The following SSU72 variants were observed in gnomAD, a reference collection of about 807,000 sequenced individuals.
The protein encoded by SSU72 is SSU72 homolog, RNA polymerase II CTD phosphatase.
In SSU72, 12 loss-of-function variants were observed where a neutral mutation model predicts 22.7. That is an observed-to-expected ratio of 0.53 (90% CI 0.34 to 0.86). The LOEUF is 0.86. Among genes scored for constraint, SSU72 ranks in the 40% least tolerant of loss-of-function variants. SSU72 has a pLI of 0.02. For missense variants in SSU72, 151 were observed against 249.8 expected (o/e 0.60, Z 2.67); for synonymous variants, 116 against 98.3 (o/e 1.18, Z -1.06).
At position 1,541,967 on chromosome 1, in the gene SSU72, C is replaced by T. The variant is rs1642326324; in HGVS notation, c.*99G>A. ...TGCACAGTTTATTTGGGTAATGCTACCGTCACCAGCAGAACACCTGTAAGT... is the reference window on the plus strand; with the variant it reads ...TGCACAGTTTATTTGGGTAATGCTATCGTCACCAGCAGAACACCTGTAAGT... On this transcript the variant is annotated 3_prime_UTR_variant, in exon 5 of 5. Coordinates refer to ENST00000291386, the MANE Select transcript of SSU72 (RefSeq NM_014188.3). 4 of 1,146,856 alleles carry T rather than the reference C, an allele frequency of 3.5e-6. No individual in the cohort carries two copies. The Admixed American group carries it at 8.4e-5, about 24-fold the overall frequency. The allele number at this position is 1,146,856 out of a possible 1,614,324, so 71.0% of individuals were successfully genotyped here.
intron 2 of SSU72, among the ~76,000 whole-genome samples, chr1:1,551,573 T>A (rs1163242828): frequency 1.3e-5 from 2 of 152,106 alleles, no homozygotes; most frequent in Non-Finnish European, 1.5e-5. Context: ...CCAGAGCCCA[T>A]CCCCACTGGT....
intron 2 of SSU72, chr1:1,562,567 C>T (rs1431660247): frequency 2.0e-5 from 3 of 152,300 alleles, no homozygotes; most frequent in Non-Finnish European, 2.9e-5. Context: ...GGTCACGCAT[C>T]GCCTAAGACT....
In SSU72 at chr1:1,554,042, G is replaced by A. The variant is rs972314610; in HGVS notation, c.225-9040C>T. ...GGTCCGGGGGACGTCAGGTGGCCAC[G>A]GAGACCACGTGTCAGTGGCCAGGGC... On this transcript the variant is annotated intron_variant, in intron 2 of 4. Transcript: ENST00000291386. The surrounding 1 kb of genome is among the most constrained non-coding windows in gnomAD (Gnocchi z 4.1). Among the ~76,000 whole-genome samples, 1 of 152,182 alleles carries A rather than the reference G, an allele frequency of 6.6e-6. No homozygotes were observed. The highest frequency in any genetic ancestry group is 6.5e-5 in the Admixed American group (1 of 15,282).
At chr1:1,568,153 A>G (rs985090016) in intron 1 of SSU72, among the ~76,000 whole-genome samples, 5 of 152,242 alleles carry the variant, frequency 3.3e-5, no homozygotes, top group African/African-American at 1.2e-4. Flanking sequence ...CCGACAGGGC[A>G]GCCAGCTTGC....
intron 2 of SSU72, among the ~76,000 whole-genome samples, chr1:1,548,502 T>TGA (rs1642419605): frequency 6.9e-6 from 1 of 145,834 alleles, no homozygotes; most frequent in South Asian, 2.1e-4. Flanking sequence ...TGCACTGAGC[T>TGA]GAGATCATGC....
At chr1:1,544,752 C>A in intron 3 of SSU72, 111 bp downstream of exon 3, 1 of 1,518,352 alleles carries the variant, frequency 6.6e-7, no homozygotes, top group East Asian at 2.3e-5. Flanking sequence ...GTCTGCTCCC[C>A]GGCCCCCGCC....
chr1:1,548,353 T>C (rs147320830), intron 2 of SSU72, among the ~76,000 whole-genome samples: 7,795 of 152,178 alleles, frequency 0.051, 369 homozygotes, highest in Admixed American at 0.17. Context: ...GGTCAGGAGT[T>C]TGAGACCAGC....
chr1:1,573,193 G>A (rs1207714091), intron 1 of SSU72, among the ~76,000 whole-genome samples: 1 of 150,802 alleles, frequency 6.6e-6, no homozygotes, highest in African/African-American at 2.4e-5. Context: ...GAGGCCGAGC[G>A]GGCAGATCAC....
chr1:1,549,394 G>A (rs1217550706), intron 2 of SSU72, among the ~76,000 whole-genome samples: 6 of 151,758 alleles, frequency 4.0e-5, no homozygotes, highest in African/African-American at 9.7e-5. Context: ...GGTGGCAGGC[G>A]CCTGTAGTCC....
At chr1:1,559,612 T>TC (rs1211987864) in intron 2 of SSU72, among the ~76,000 whole-genome samples, 2 of 152,134 alleles carry the variant, frequency 1.3e-5, no homozygotes, top group African/African-American at 4.8e-5. Context: ...CTGGCTGGAG[T>TC]CCAACAGCAC....
At chr1:1,548,496 C>G (rs1039404982) in intron 2 of SSU72, among the ~76,000 whole-genome samples, 1 of 149,476 alleles carries the variant, frequency 6.7e-6, no homozygotes, top group Admixed American at 6.7e-5. Context: ...GGAGGCTGCA[C>G]TGAGCTGAGA....
intron 2 of SSU72, among the ~76,000 whole-genome samples, chr1:1,551,147 C>T (rs1387485080): frequency 6.6e-6 from 1 of 152,226 alleles, no homozygotes; most frequent in Non-Finnish European, 1.5e-5. Context: ...TGGATCTGGA[C>T]ACACACTGCT....
intron 1 of SSU72, among the ~76,000 whole-genome samples, chr1:1,572,030 C>T (rs1173296646): frequency 1.3e-5 from 2 of 150,920 alleles, no homozygotes; most frequent in Non-Finnish European, 3.0e-5. Flanking sequence ...CTCCTGACCT[C>T]GTGATCCACC....
rs114305501 is a variant in SSU72 at position 1,562,878 on chromosome 1, G to A, written c.224+1895C>T. On this transcript the variant is annotated intron_variant, in intron 2 of 4. Coordinates refer to ENST00000291386, the MANE Select transcript of SSU72 (RefSeq NM_014188.3). Reference sequence around the variant, plus strand: ...GTTACCAGGGCTTCTGCAGAGAGAGGGGCAGCAGGACGTGCTGCTGACAGT... The same window carrying A: ...GTTACCAGGGCTTCTGCAGAGAGAGAGGCAGCAGGACGTGCTGCTGACAGT... The A allele has an allele frequency of 9.2e-3, 1,396 of 152,424 alleles. 11 individuals carry two copies. The highest frequency in any genetic ancestry group is 0.014 in the Non-Finnish European group (928 of 68,080). 9.4% of individuals were successfully genotyped at this position (152,424 alleles called of 1,614,324 possible).
chr1:1,554,715 C>T lies in SSU72; in HGVS notation c.225-9713G>A, dbSNP rs529897793. Among the ~76,000 whole-genome samples the T allele has an allele frequency of 6.6e-5, 10 of 152,164 alleles. No individual in the cohort carries two copies. The South Asian group carries it at 1.0e-3, about 16-fold the overall frequency. ...CGCCAGTGTGGCTGGCACCAGGGAC[C>T]GCACTCTCCCACCACGGCCTGGGAA... On this transcript the variant is annotated intron_variant, in intron 2 of 4. Transcript: ENST00000291386. The surrounding 1 kb of genome is among the most constrained non-coding windows in gnomAD (Gnocchi z 4.1).
chr1:1,574,599 CACCCTACCGCG>C lies in SSU72; in HGVS notation c.-53_-43del. The C allele has an allele frequency of 1.9e-6, 3 of 1,548,052 alleles. No individual in the cohort carries two copies. Among genetic ancestry groups the C allele is most frequent in the South Asian group, 1.2e-5 (1 of 84,646 alleles). Reference sequence around the variant, plus strand: ...CCCGCGGCTCTCCCGCTTGGGTTCCCACCCTACCGCGGCGCTTCCGCGCGAACAAAATGGCG... The same window carrying C: ...CCCGCGGCTCTCCCGCTTGGGTTCCCGCGCTTCCGCGCGAACAAAATGGCG... On this transcript the variant is annotated 5_prime_UTR_variant, in exon 1 of 5. Transcript: ENST00000291386.
chr1:1,573,614 C>T (rs1387504338), intron 1 of SSU72, among the ~76,000 whole-genome samples: 2 of 151,904 alleles, frequency 1.3e-5, no homozygotes, highest in Non-Finnish European at 2.9e-5. Flanking sequence ...CGTGCCTGGC[C>T]CACGTGACAC....
chr1:1,549,426 C>T (rs150014561), intron 2 of SSU72, among the ~76,000 whole-genome samples: 7,769 of 151,186 alleles, frequency 0.051, 370 homozygotes, highest in Admixed American at 0.17. Context: ...GAGGCTGAGG[C>T]GGGAGAATGG....
rs1341680797 is a variant in SSU72, at chr1:1,554,637, C to A, written c.225-9635G>T. Among the ~76,000 whole-genome samples the A allele has an allele frequency of 1.3e-5, 2 of 152,166 alleles. No individual in the cohort carries two copies. The highest frequency in any genetic ancestry group is 2.9e-5 in the Non-Finnish European group (2 of 68,028). On this transcript the variant is annotated intron_variant, in intron 2 of 4. Transcript: ENST00000291386. The surrounding 1 kb of genome is among the most constrained non-coding windows in gnomAD (Gnocchi z 4.1). ...GGAGAACCGAGAGGCCAGGACCACACTACCCTGCTATGAGTCACCAGGGAC... is the reference window on the plus strand; with the variant it reads ...GGAGAACCGAGAGGCCAGGACCACAATACCCTGCTATGAGTCACCAGGGAC...
Sources: gnomAD v4.1 joint callset for allele counts (sites outside exome capture counted in the v4.1 genomes callset) on GRCh38, gnomAD v4.1.1 for gene constraint, Gnocchi (gnomAD v3.1) non-coding constraint, MANE v1.5 for transcripts, NCBI Gene and HGNC (gene_info 2026-07-23, HGNC 2026-07-21) for gene names.